BIN2: variants seen among roughly 807,000 people sequenced by gnomAD.
BIN2 encodes bridging integrator 2.
In BIN2, 43 loss-of-function variants were observed where a neutral mutation model predicts 67.9. The observed-to-expected ratio is 0.63, with a 90% CI of 0.50 to 0.82. The LOEUF (loss-of-function observed/expected upper bound fraction) is 0.82. BIN2 is among the 40% of genes least tolerant of loss of function. BIN2 has a pLI of 0.00. For missense variants in BIN2, 581 were observed against 671.6 expected, an observed-to-expected ratio of 0.87 and a Z score of 1.49; for synonymous variants, 244 against 246.8, an observed-to-expected ratio of 0.99 and a Z score of 0.11.
intron 1 of BIN2, among the ~76,000 whole-genome samples, chr12:51,321,953 C>G (rs1015006782): frequency 6.6e-6 from 1 of 152,218 alleles, no homozygotes; most frequent in African/African-American, 2.4e-5. Context: ...CTTCCGGCAT[C>G]CCAGGCCATT....
intron 2 of BIN2, 148 bp downstream of exon 2, chr12:51,313,675 C>T: frequency 1.5e-6 from 1 of 661,728 alleles, no homozygotes; most frequent in South Asian, 1.9e-5. Context: ...GAAGGATAAG[C>T]AACAGGTCAC....
chr12:51,293,821 C>T (rs1945459713), intron 9 of BIN2, among the ~76,000 whole-genome samples: 1 of 152,106 alleles, frequency 6.6e-6, no homozygotes, highest in African/African-American at 2.4e-5. Flanking sequence ...ATGAATAAGT[C>T]TGACAATTTC....
intron 1 of BIN2, among the ~76,000 whole-genome samples, chr12:51,321,651 G>A (rs1946287003): frequency 1.3e-5 from 2 of 152,032 alleles, no homozygotes; most frequent in African/African-American, 2.4e-5. Context: ...CACCTGCCTG[G>A]GCCTCCCAAA....
chr12:51,324,272 A>G (rs1946374900), upstream of BIN2: 1 of 1,415,860 alleles, frequency 7.1e-7, no homozygotes, highest in Non-Finnish European at 9.2e-7. Flanking sequence ...CACCACTGTC[A>G]GCTGGAGCAG....
At chr12:51,296,305 G>A (rs982006803) in intron 8 of BIN2, among the ~76,000 whole-genome samples, 2 of 152,026 alleles carry the variant, frequency 1.3e-5, no homozygotes, top group African/African-American at 4.8e-5. Flanking sequence ...GACCATCCTG[G>A]CTAACATGGT....
rs3210837 is a variant in BIN2, at chr12:51,292,047, T to C, written c.1059A>G (p.Glu353=). ...PAQAQPSPTT[E]RAKSQEEVLP... ...GAACTTCCTCCTGGGACTTGGCCCTTTCAGTGGTAGGAGAGGGCTGGGCCT... is the reference window on the plus strand; with the variant it reads ...GAACTTCCTCCTGGGACTTGGCCCTCTCAGTGGTAGGAGAGGGCTGGGCCT... The change falls in exon 10 of 13, where the codon GAA becomes GAG. Residue 353 remains glutamate (E), a synonymous_variant. Coordinates refer to ENST00000615107, the MANE Select transcript of BIN2 (RefSeq NM_016293.4). 0.85 allele frequency: 1,374,832 copies of C among 1,613,942 alleles called. 588,846 individuals are homozygous for C. Among genetic ancestry groups the C allele is most frequent in the South Asian group, 0.88 (80,568 of 91,076 alleles).
At chr12:51,324,569 T>G, upstream of BIN2, 1 of 1,502,148 alleles carries the variant, frequency 6.7e-7, no homozygotes, top group Non-Finnish European at 8.8e-7. Context: ...CCATGTACAC[T>G]GCGTTTCTTG....
chr12:51,289,175 G>T lies in BIN2; in HGVS notation c.1516-987C>A, dbSNP rs1012326518. Among the ~76,000 whole-genome samples, 3 of 151,572 alleles carry T rather than the reference G, an allele frequency of 2.0e-5. No homozygotes were observed. In the Admixed American group the frequency reaches 2.0e-4, roughly 10 times the overall value. Reference sequence around the variant, plus strand: ...TTTTTCCCATCCCATTTAAAAAATTGAGCTAATTGTTGAAAGTTCCTCTTG... The same window carrying T: ...TTTTTCCCATCCCATTTAAAAAATTTAGCTAATTGTTGAAAGTTCCTCTTG... On this transcript the variant is annotated intron_variant, in intron 10 of 12. Transcript: ENST00000615107.
At chr12:51,318,371 T>C (rs811342) in intron 1 of BIN2, among the ~76,000 whole-genome samples, 1 of 152,052 alleles carries the variant, frequency 6.6e-6, no homozygotes, top group Non-Finnish European at 1.5e-5. Flanking sequence ...AAGCCATTCT[T>C]CTGCCTCAGC....
chr12:51,299,613 A>G lies in BIN2; in HGVS notation c.510T>C (p.Thr170=). The G allele has an allele frequency of 6.2e-7, 1 of 1,613,882 alleles. No homozygotes were observed. Among genetic ancestry groups the G allele is most frequent in the South Asian group, 1.1e-5 (1 of 91,088 alleles). The part of the protein sequence containing the change: ...QNAKKKDEAK[T]AKAEEEFNKA... ...GTTGTTGTTTTTGTTTTACCTTGGC[A>G]GTCTTGGCCTCATCTTTCTTCTTGG... is the stretch of plus-strand genomic sequence containing the variant. The change falls in exon 6 of 13, where the codon ACT becomes ACC. Residue 170 remains threonine, a synonymous_variant. Coordinates refer to ENST00000615107, the MANE Select transcript of BIN2 (RefSeq NM_016293.4).
chr12:51,293,958 C>T (rs1482728891), intron 9 of BIN2, among the ~76,000 whole-genome samples: 2 of 152,138 alleles, frequency 1.3e-5, no homozygotes, highest in Non-Finnish European at 2.9e-5. Context: ...CATGACAGAC[C>T]TTATGACTCA....
In BIN2 at chr12:51,292,192, T is replaced by C. The variant is rs759926415; in HGVS notation, c.914A>G (p.Gln305Arg). 1 of 1,613,008 alleles carries C rather than the reference T, an allele frequency of 6.2e-7. No individual in the cohort carries two copies. Among genetic ancestry groups the C allele is most frequent in the East Asian group, 2.2e-5 (1 of 44,864 alleles). The change falls in exon 10 of 13, where the codon CAA (glutamine) becomes CGA (arginine). Residue 305 changes from glutamine to arginine, a missense_variant. Transcript: ENST00000615107. ...ATEDLAPDAA[Q>R]GEDNSEIKEL... ...CTTGATCTCAGAATTGTCTTCCCCTTGGGCTGCATCAGGTGCCAGATCTTC... is the reference window on the plus strand; with the variant it reads ...CTTGATCTCAGAATTGTCTTCCCCTCGGGCTGCATCAGGTGCCAGATCTTC...
chr12:51,288,083 T>G, intron 11 of BIN2, 25 bp downstream of exon 11: 1 of 1,519,444 alleles, frequency 6.6e-7, no homozygotes, highest in Non-Finnish European at 9.1e-7. Flanking sequence ...GGCATCATCA[T>G]GTAGATGACT....
chr12:51,293,442 T>C (rs1945446199), intron 9 of BIN2, among the ~76,000 whole-genome samples: 1 of 152,200 alleles, frequency 6.6e-6, no homozygotes, highest in Non-Finnish European at 1.5e-5. Flanking sequence ...CCCGAGTAGC[T>C]GGGACTACAG....
chr12:51,321,696 G>A (rs1455958157), intron 1 of BIN2, among the ~76,000 whole-genome samples: 1 of 152,196 alleles, frequency 6.6e-6, no homozygotes, highest in African/African-American at 2.4e-5. Flanking sequence ...ACTGCACCCC[G>A]CTGATAATCA....
chr12:51,292,431 A>C (rs1945414449), intron 9 of BIN2, 87 bp from the exon 10 acceptor site: 1 of 1,339,194 alleles, frequency 7.5e-7, no homozygotes, highest in Admixed American at 2.5e-5. Flanking sequence ...GTAATAAAAA[A>C]AAGAATAAAG....
chr12:51,300,752 A>G (rs1194389778), intron 5 of BIN2, among the ~76,000 whole-genome samples: 1 of 152,232 alleles, frequency 6.6e-6, no homozygotes, highest in African/African-American at 2.4e-5. Flanking sequence ...AGGCTTCTCT[A>G]TAACATCCAA....
intron 1 of BIN2, 67 bp downstream of exon 1, chr12:51,323,955 C>A: frequency 6.3e-7 from 1 of 1,588,620 alleles, no homozygotes; most frequent in Admixed American, 1.7e-5. Context: ...CCCCTCCTGC[C>A]CGGCCGGGCT....
At chr12:51,283,615 G>A (rs1025209708) in intron 12 of BIN2, among the ~76,000 whole-genome samples, 10 of 152,090 alleles carry the variant, frequency 6.6e-5, no homozygotes, top group Non-Finnish European at 1.5e-4. Flanking sequence ...AACACACCCA[G>A]CTCTGTGTCT....
Sources: gnomAD v4.1 joint callset for allele counts (sites outside exome capture counted in the v4.1 genomes callset) on GRCh38, gnomAD v4.1.1 for gene constraint, MANE v1.5 for transcripts, NCBI Gene and HGNC (gene_info 2026-07-23, HGNC 2026-07-21) for gene names.